Variants in SPEF2 observed in about 807,000 individuals in gnomAD.
SPEF2 encodes the protein sperm flagella and cilia-associated protein 2.
In SPEF2, 187 loss-of-function variants were observed where a neutral mutation model predicts 224.6. The observed-to-expected ratio is 0.83, with a 90% CI of 0.74 to 0.94. The LOEUF is 0.94. SPEF2 is among the 40% of genes least tolerant of loss of function. The pLI is 0.00. For synonymous variants in SPEF2, 715 were observed against 707.3 expected (o/e 1.01, Z -0.17); for missense variants, 2,170 against 2,135.6 (o/e 1.02, Z -0.32).
chr5:35,687,263 A>G (rs1336070346), intron 10 of SPEF2, among the ~76,000 whole-genome samples: 2 of 152,156 alleles, frequency 1.3e-5, no homozygotes, highest in Non-Finnish European at 2.9e-5. Flanking sequence ...TTACATACGA[A>G]ACTTTTACAT....
At chr5:35,759,419 A>G (rs1460359342) in intron 24 of SPEF2, 149 bp from the exon 25 acceptor site, 1 of 615,564 alleles carries the variant, frequency 1.6e-6, no homozygotes, top group Non-Finnish European at 2.6e-6. Context: ...TCTTAGATAT[A>G]GACTTGTAAC....
chr5:35,801,933 GAT>G (rs1316287993), intron 34 of SPEF2, among the ~76,000 whole-genome samples: 1 of 152,188 alleles, frequency 6.6e-6, no homozygotes, highest in East Asian at 1.9e-4. Flanking sequence ...TTCATTAATA[GAT>G]CAATTAATTA....
At chr5:35,629,151 CTTTTTTT>C (rs768077049) in intron 2 of SPEF2, among the ~76,000 whole-genome samples, 72 of 88,316 alleles carry the variant, frequency 8.2e-4, no homozygotes, top group Middle Eastern at 6.3e-3. Flanking sequence ...TCGATTGTTC[CTTTTTTT>C]TTTTTTTTTT....
intron 10 of SPEF2, among the ~76,000 whole-genome samples, chr5:35,682,598 TA>T (rs1164611331): frequency 6.6e-6 from 1 of 152,244 alleles, no homozygotes; most frequent in Non-Finnish European, 1.5e-5. Context: ...GGATTATATG[TA>T]CCTTCAGACT....
At chr5:35,642,283 G>C (rs1025111399) in intron 3 of SPEF2, among the ~76,000 whole-genome samples, 1 of 152,082 alleles carries the variant, frequency 6.6e-6, no homozygotes, top group Non-Finnish European at 1.5e-5. Flanking sequence ...TTAATTGACA[G>C]TCTGTCCTTA....
intron 23 of SPEF2, among the ~76,000 whole-genome samples, chr5:35,752,672 T>G (rs1749843043): frequency 6.6e-6 from 1 of 152,270 alleles, no homozygotes; most frequent in South Asian, 2.1e-4. Context: ...GACTGAAGCC[T>G]AATATAGTAG....
At chr5:35,661,253 AT>A (rs1352363493) in intron 8 of SPEF2, among the ~76,000 whole-genome samples, 7 of 50,656 alleles carry the variant, frequency 1.4e-4, no homozygotes, top group Admixed American at 3.0e-4. Flanking sequence ...TTTGGTATAT[AT>A]TATATATATA....
At chr5:35,639,875 T>A (rs1261067722) in intron 2 of SPEF2, among the ~76,000 whole-genome samples, 1 of 152,068 alleles carries the variant, frequency 6.6e-6, no homozygotes, top group Non-Finnish European at 1.5e-5. Flanking sequence ...CAGTGGTTTT[T>A]CTGTGTTCAA....
intron 36 of SPEF2, among the ~76,000 whole-genome samples, chr5:35,810,030 C>T (rs1758436039): frequency 6.6e-6 from 1 of 152,114 alleles, no homozygotes; most frequent in Non-Finnish European, 1.5e-5. Flanking sequence ...CCCACAAAAT[C>T]AGTATGACTT....
intron 10 of SPEF2, among the ~76,000 whole-genome samples, chr5:35,673,529 C>T (rs551262144): frequency 1.2e-4 from 18 of 152,334 alleles, no homozygotes; most frequent in Non-Finnish European, 1.9e-4. Context: ...CCACAAAGCA[C>T]TCAACCATTT....
rs374972280 is a variant in SPEF2, at chr5:35,670,075, T to C, written c.1372T>C (p.Leu458=). 1.6e-4 allele frequency: 257 copies of C among 1,605,780 alleles called. No homozygotes were observed. The highest frequency in any genetic ancestry group is 2.2e-4 in the Admixed American group (13 of 58,606). Residue 458 remains leucine (L), a synonymous_variant, in exon 10 of 37, where the codon TTG becomes CTG. Transcript: ENST00000356031. ...GTGCGATAGTCTGATTCCGTATAAG[T>C]TGATGCATGATTGGAAGGAACTATT... ...MLTNNLIPYK[L]MHDWKELFFN... is the part of the protein sequence containing the mutation.
At chr5:35,749,247 T>C (rs1003548825) in intron 23 of SPEF2, among the ~76,000 whole-genome samples, 2 of 152,080 alleles carry the variant, frequency 1.3e-5, no homozygotes, top group African/African-American at 4.8e-5. Context: ...GCTACCATAA[T>C]ACTGAATGGG....
Position 35,739,996 on chromosome 5 carries a change from G to T in SPEF2, c.3141G>T (p.Arg1047Ser), listed in dbSNP as rs1412864815. ...TAAACACCATCAAAACAGTACTCAG[G>T]CATCTGAGGGAAGACCAGCATACTG... ...SYINTIKTVL[R>S]HLREDQHTVL... Residue 1047 changes from arginine (R) to serine (S), a missense_variant, in exon 22 of 37, where the codon AGG becomes AGT. Physicochemically the swap from Arg to Ser is moderately radical, Grantham distance 110 (BLOSUM62 -1). Transcript: ENST00000356031. The T allele has an allele frequency of 2.5e-6, 4 of 1,613,938 alleles. No individual in the cohort carries two copies. The African/African-American group carries it at 5.3e-5, about 22-fold the overall frequency.
intron 4 of SPEF2, among the ~76,000 whole-genome samples, chr5:35,646,366 C>T (rs1342089895): frequency 6.6e-6 from 1 of 152,094 alleles, no homozygotes; most frequent in East Asian, 1.9e-4. Context: ...GAATTATACA[C>T]TTATTTATAT....
chr5:35,634,435 G>GT (rs1371256780), intron 2 of SPEF2, among the ~76,000 whole-genome samples: 1 of 152,040 alleles, frequency 6.6e-6, no homozygotes, highest in Non-Finnish European at 1.5e-5. Context: ...GATTCTCTCT[G>GT]TCTTTGTCTT....
chr5:35,632,167 C>T (rs937131046), intron 2 of SPEF2, among the ~76,000 whole-genome samples: 11 of 152,112 alleles, frequency 7.2e-5, no homozygotes, highest in African/African-American at 9.7e-5. Flanking sequence ...CCACTCTGTC[C>T]GGTACCAATT....
intron 6 of SPEF2, among the ~76,000 whole-genome samples, chr5:35,652,998 A>G (rs1327226410): frequency 6.6e-6 from 1 of 152,230 alleles, no homozygotes; most frequent in African/African-American, 2.4e-5. Context: ...GGCAAGTAAC[A>G]TTATGGTATA....
At chr5:35,666,872 C>T (rs1750541910) in intron 8 of SPEF2, among the ~76,000 whole-genome samples, 200 bp from the exon 9 acceptor site, 1 of 152,116 alleles carries the variant, frequency 6.6e-6, no homozygotes, top group Non-Finnish European at 1.5e-5. Flanking sequence ...ATAAGATAAG[C>T]TAAGAGTAGG....
intron 30 of SPEF2, chr5:35,789,018 G>A (rs989600696): frequency 2.6e-5 from 18 of 693,752 alleles, no homozygotes; most frequent in Non-Finnish European, 3.9e-5. Flanking sequence ...GCAATTGTTC[G>A]GCAACTGCAC....
Sources: allele counts gnomAD v4.1 joint callset (sites outside exome capture counted in the v4.1 genomes callset), GRCh38; gene constraint gnomAD v4.1.1; transcripts MANE v1.5; gene names NCBI Gene and HGNC (gene_info 2026-07-23, HGNC 2026-07-21).